ATG7: variants seen among roughly 807,000 people sequenced by gnomAD.
ATG7 encodes ubiquitin-like modifier-activating enzyme ATG7.
Under a neutral mutation model 82.4 loss-of-function variants are expected in ATG7, and 70 were observed. That is an observed-to-expected ratio of 0.85 (90% CI 0.70 to 1.04). ATG7 has a LOEUF of 1.04. ATG7 is among the 50% of genes least tolerant of loss of function. The probability of loss-of-function intolerance (pLI) is 0.00; values close to 1 mark genes in which losing one functional copy is unlikely to be tolerated. For missense variants in ATG7, 792 were observed against 864.3 expected (o/e 0.92, Z 1.05); for synonymous variants, 287 against 313.0 (o/e 0.92, Z 0.88).
chr3:11,325,896 G>A (rs192965414), intron 9 of ATG7, among the ~76,000 whole-genome samples: 2 of 152,256 alleles, frequency 1.3e-5, no homozygotes, highest in African/African-American at 2.4e-5. Flanking sequence ...TAGCCTTTGT[G>A]TGTTTTTTGT....
At chr3:11,535,715 G>A (rs909494197) in intron 20 of ATG7, among the ~76,000 whole-genome samples, 2 of 152,176 alleles carry the variant, frequency 1.3e-5, no homozygotes, top group African/African-American at 4.8e-5. Flanking sequence ...AAGCGGGGGC[G>A]TGCGCTGGGG....
chr3:11,468,720 C>T (rs868251243), intron 20 of ATG7, among the ~76,000 whole-genome samples: 50 of 152,256 alleles, frequency 3.3e-4, no homozygotes, highest in Admixed American at 7.2e-4. Context: ...CACAGGTGGG[C>T]TTGGGATGGG....
At chr3:11,337,496 A>C (rs925528367) in intron 11 of ATG7, among the ~76,000 whole-genome samples, 11 of 151,738 alleles carry the variant, frequency 7.2e-5, no homozygotes, top group African/African-American at 2.2e-4. Flanking sequence ...CTCTATATAT[A>C]TATATATAAT....
At chr3:11,406,128 T>G (rs1368578666) in intron 19 of ATG7, among the ~76,000 whole-genome samples, 1 of 152,120 alleles carries the variant, frequency 6.6e-6, no homozygotes, top group Non-Finnish European at 1.5e-5. Flanking sequence ...TGGCTGGGAC[T>G]ATAGGCGCAC....
intron 13 of ATG7, among the ~76,000 whole-genome samples, chr3:11,342,685 T>C (rs1298732108): frequency 6.6e-6 from 1 of 152,184 alleles, no homozygotes; most frequent in African/African-American, 2.4e-5. Context: ...TAGCTACCTT[T>C]CTGTGTTTCC....
intron 14 of ATG7, among the ~76,000 whole-genome samples, chr3:11,356,823 G>C (rs2075965069): frequency 6.6e-6 from 1 of 152,174 alleles, no homozygotes; most frequent in Admixed American, 6.5e-5. Context: ...ATGAGATCCT[G>C]ATAGCTGTGC....
chr3:11,358,636 T>G (rs777305436), intron 15 of ATG7, 24 bp downstream of exon 15: 1 of 1,605,268 alleles, frequency 6.2e-7, no homozygotes, highest in East Asian at 2.2e-5. Context: ...CTAATTATGA[T>G]TTATGATTTA....
At chr3:11,516,039 A>T (rs539896940) in intron 20 of ATG7, among the ~76,000 whole-genome samples, 1 of 151,858 alleles carries the variant, frequency 6.6e-6, no homozygotes, top group Admixed American at 6.6e-5. Context: ...TTTAAAAAAA[A>T]AAAAAAACAA....
At position 11,360,675 on chromosome 3, in the gene ATG7, CA is replaced by C; in HGVS notation, c.1577del (p.Asn526ThrfsTer49). 1 of 1,614,118 alleles carries C rather than the reference CA, an allele frequency of 6.2e-7. No individual in the cohort carries two copies. The highest frequency in any genetic ancestry group is 8.5e-7 in the Non-Finnish European group (1 of 1,180,012). Reference sequence around the variant, plus strand: ...CAGCAAGGAGCTGGGGACTTGTGTCCAAACCACCCTGTGGCATCTGCTGACC... The same window carrying C: ...CAGCAAGGAGCTGGGGACTTGTGTCCAACCACCCTGTGGCATCTGCTGACC... ...PKQQGAGDLC[P>X]NHPVASADLL... On this transcript the variant is annotated frameshift_variant, in exon 16 of 21. Transcript: ENST00000693202. LOFTEE classifies it high-confidence loss of function.
chr3:11,340,795 TTCTG>T, intron 12 of ATG7, 60 bp downstream of exon 12: 1 of 1,466,334 alleles, frequency 6.8e-7, no homozygotes, highest in Non-Finnish European at 9.5e-7. Flanking sequence ...ACACACCAAG[TTCTG>T]TCAGGCCAAC....
intron 20 of ATG7, among the ~76,000 whole-genome samples, chr3:11,468,019 G>A (rs2153009203): frequency 6.6e-6 from 1 of 152,274 alleles, no homozygotes; most frequent in South Asian, 2.1e-4. Context: ...TTACAGTTGA[G>A]TTTCTATTTC....
At chr3:11,494,145 T>C (rs2090622814) in intron 20 of ATG7, among the ~76,000 whole-genome samples, 1 of 152,188 alleles carries the variant, frequency 6.6e-6, no homozygotes, top group Admixed American at 6.5e-5. Flanking sequence ...AATCAGGCGC[T>C]GCAGCAGGCA....
At chr3:11,489,189 T>G (rs1361572442) in intron 20 of ATG7, among the ~76,000 whole-genome samples, 1 of 152,254 alleles carries the variant, frequency 6.6e-6, no homozygotes, top group African/African-American at 2.4e-5. Context: ...AGCTGTATGC[T>G]GGGAGAACCA....
chr3:11,335,754 A>G (rs1485225185), intron 11 of ATG7, among the ~76,000 whole-genome samples: 3 of 152,122 alleles, frequency 2.0e-5, no homozygotes, highest in Non-Finnish European at 2.9e-5. Context: ...CTCGAGTGCA[A>G]TGGCACGATC....
At chr3:11,464,361 A>ATTTT (rs144591388) in intron 20 of ATG7, among the ~76,000 whole-genome samples, 2,375 of 152,360 alleles carry the variant, frequency 0.016, 70 homozygotes, top group African/African-American at 0.055. Context: ...TGAACGAGCA[A>ATTTT]GACCCTGTCT....
At position 11,315,335 on chromosome 3, in the gene ATG7, TG is replaced by T; in HGVS notation, c.529-8del. On this transcript the variant is annotated splice_polypyrimidine_tract_variant and splice_region_variant and intron_variant, in intron 8 of 20. Coordinates refer to ENST00000693202, the MANE Select transcript of ATG7 (RefSeq NM_001349232.2). ...TTCTAGAGAATAACAACGTGTTTTC[TG>T]TTTTCAGATTGAAGCACTAGAGTGT... 1 of 1,544,974 alleles carries T rather than the reference TG, an allele frequency of 6.5e-7. No homozygotes were observed. The highest frequency in any genetic ancestry group is 8.7e-7 in the Non-Finnish European group (1 of 1,147,100).
chr3:11,545,999 G>T (rs1020444855), intron 20 of ATG7, among the ~76,000 whole-genome samples: 3 of 152,064 alleles, frequency 2.0e-5, no homozygotes, highest in Non-Finnish European at 2.9e-5. Flanking sequence ...TTAGCTGGTT[G>T]TGGTGGCATA....
At chr3:11,453,986 G>T (rs144209678) in intron 20 of ATG7, among the ~76,000 whole-genome samples, 80 of 152,300 alleles carry the variant, frequency 5.3e-4, no homozygotes, top group African/African-American at 1.8e-3. Flanking sequence ...AGGAAATTCC[G>T]TGTAAATAAA....
At chr3:11,422,619 T>C (rs2082022483) in intron 19 of ATG7, among the ~76,000 whole-genome samples, 1 of 152,176 alleles carries the variant, frequency 6.6e-6, no homozygotes, top group Non-Finnish European at 1.5e-5. Flanking sequence ...GCACTTATAA[T>C]TTCCTTCTAG....
Sources: allele counts gnomAD v4.1 joint callset (sites outside exome capture counted in the v4.1 genomes callset), GRCh38; gene constraint gnomAD v4.1.1; transcripts MANE v1.5; gene names NCBI Gene and HGNC (gene_info 2026-07-23, HGNC 2026-07-21).